The following TAFA2 variants were observed in gnomAD, a reference collection of about 807,000 sequenced individuals.
The protein encoded by TAFA2 is TAFA chemokine like family member 2, also known as chemokine-like protein TAFA-2.
TAFA2 carries 7 observed loss-of-function variants against 18.8 expected under a neutral mutation model. That is an observed-to-expected ratio of 0.37 (90% CI 0.21 to 0.70). The LOEUF (loss-of-function observed/expected upper bound fraction) is 0.70. Among genes scored for constraint, TAFA2 ranks in the 30% least tolerant of loss-of-function variants. TAFA2 has a pLI of 0.53. For missense variants in TAFA2, 122 were observed against 158.1 expected (o/e 0.77, Z 1.23); for synonymous variants, 60 against 54.2 (o/e 1.11, Z -0.47).
chr12:61,791,387 CAA>C (rs916336855), intron 2 of TAFA2, among the ~76,000 whole-genome samples: 1 of 151,414 alleles, frequency 6.6e-6, no homozygotes, highest in African/African-American at 2.4e-5. Context: ...CTTCAGCATA[CAA>C]AAAAGCTTCA....
chr12:62,168,819 A>G (rs1328015215), intron 1 of TAFA2, among the ~76,000 whole-genome samples: 1 of 152,086 alleles, frequency 6.6e-6, no homozygotes, highest in African/African-American at 2.4e-5. Flanking sequence ...CCTAGACAAC[A>G]GAGCAAGATG....
chr12:62,055,514 T>C (rs906739038), intron 1 of TAFA2, among the ~76,000 whole-genome samples: 175 of 152,296 alleles, frequency 1.1e-3, no homozygotes, highest in South Asian at 4.1e-4. Context: ...TTATGTGTTA[T>C]GCAGGTCACA....
At chr12:61,906,756 C>T (rs1876373584) in intron 1 of TAFA2, among the ~76,000 whole-genome samples, 1 of 152,138 alleles carries the variant, frequency 6.6e-6, no homozygotes, top group Non-Finnish European at 1.5e-5. Flanking sequence ...GCAATATGGA[C>T]AATGCAGTCC....
At chr12:62,184,499 A>AATTTTTTTTT (rs1555196652) in intron 1 of TAFA2, among the ~76,000 whole-genome samples, 1 of 33,994 alleles carries the variant, frequency 2.9e-5, no homozygotes, top group Non-Finnish European at 5.9e-5. Flanking sequence ...GAAAAAAAAA[A>AATTTTTTTTT]TTCTTTTTTT....
chr12:61,928,480 C>T (rs927330049), intron 1 of TAFA2, among the ~76,000 whole-genome samples: 5 of 152,264 alleles, frequency 3.3e-5, no homozygotes, highest in African/African-American at 1.2e-4. Context: ...CATCTCATGC[C>T]AGTTAGAATG....
In TAFA2 at chr12:61,989,825, G is replaced by C. The variant is rs1156916021; in HGVS notation, c.-1-122399C>G. ...GAAACGATACCAATTACCCATGCTG[G>C]AGCCTGCCCAAGTCAGAACAACTAA... is the stretch of plus-strand genomic sequence containing the variant. On this transcript the variant is annotated intron_variant, in intron 1 of 4. Transcript: ENST00000416284. 2.6e-5 allele frequency among the ~76,000 whole-genome samples: 4 copies of C among 152,280 alleles called. No homozygotes were observed. In the South Asian group the frequency reaches 8.3e-4, roughly 32 times the overall value.
At chr12:62,038,262 G>A (rs905338647) in intron 1 of TAFA2, among the ~76,000 whole-genome samples, 1 of 152,080 alleles carries the variant, frequency 6.6e-6, no homozygotes. Flanking sequence ...CACAAAAAAG[G>A]TAACTGTGGA....
chr12:61,980,992 A>G (rs1275726561), intron 1 of TAFA2, among the ~76,000 whole-genome samples: 4 of 152,340 alleles, frequency 2.6e-5, no homozygotes, highest in African/African-American at 9.6e-5. Context: ...AAGAGCCTGC[A>G]TTGCCAAGAC....
At chr12:61,764,382 T>C (rs1266002086) in intron 2 of TAFA2, among the ~76,000 whole-genome samples, 1 of 152,084 alleles carries the variant, frequency 6.6e-6, no homozygotes, top group Non-Finnish European at 1.5e-5. Context: ...CTTTTATGAT[T>C]AAGATTATTC....
intron 1 of TAFA2, among the ~76,000 whole-genome samples, chr12:62,127,374 A>AT (rs1366707475): frequency 7.2e-5 from 11 of 151,844 alleles, no homozygotes; most frequent in African/African-American, 2.7e-4. Context: ...ATAAACCTTT[A>AT]TTTTTTGTAG....
At chr12:61,958,455 CT>C (rs35950268) in intron 1 of TAFA2, among the ~76,000 whole-genome samples, 4 of 151,848 alleles carry the variant, frequency 2.6e-5, no homozygotes, top group Non-Finnish European at 5.9e-5. Context: ...AGATAAGTAC[CT>C]TTTTCCCTGT....
chr12:61,826,543 T>C (rs1038488263), intron 2 of TAFA2, among the ~76,000 whole-genome samples: 3 of 152,026 alleles, frequency 2.0e-5, no homozygotes, highest in Admixed American at 2.0e-4. Flanking sequence ...TTCAAAAATA[T>C]AAAGTGTTAA....
chr12:62,161,817 A>G (rs2062409073), intron 1 of TAFA2, among the ~76,000 whole-genome samples: 1 of 152,204 alleles, frequency 6.6e-6, no homozygotes, highest in Non-Finnish European at 1.5e-5. Context: ...ATGTCTATAT[A>G]CCACACATGT....
chr12:61,980,660 T>C (rs756699979), intron 1 of TAFA2, among the ~76,000 whole-genome samples: 3 of 151,944 alleles, frequency 2.0e-5, no homozygotes, highest in Admixed American at 2.0e-4. Context: ...CTATACACCA[T>C]TAACAGACAA....
intron 1 of TAFA2, among the ~76,000 whole-genome samples, chr12:61,872,824 T>A (rs1189474436): frequency 6.6e-6 from 1 of 151,968 alleles, no homozygotes; most frequent in Non-Finnish European, 1.5e-5. Context: ...ATTATGACCA[T>A]CCTGCCCTCC....
chr12:61,917,020 T>C (rs1437100096), intron 1 of TAFA2, among the ~76,000 whole-genome samples: 1 of 152,166 alleles, frequency 6.6e-6, no homozygotes, highest in East Asian at 1.9e-4. Flanking sequence ...TAAGAACTCA[T>C]ACACGGTAAG....
At chr12:62,233,066 C>CTTTTTT (rs34781688) in intron 1 of TAFA2, among the ~76,000 whole-genome samples, 420 of 39,578 alleles carry the variant, frequency 0.011, 115 homozygotes, top group African/African-American at 0.024. Context: ...TTCTGCATCT[C>CTTTTTT]TTTTTTTTTT....
intron 1 of TAFA2, among the ~76,000 whole-genome samples, chr12:62,029,015 T>C (rs965798984): frequency 6.6e-6 from 1 of 152,178 alleles, no homozygotes. Flanking sequence ...CTAATAGATA[T>C]GCATTAGAAA....
intron 2 of TAFA2, among the ~76,000 whole-genome samples, chr12:61,861,020 G>C (rs1342003446): frequency 6.6e-6 from 1 of 151,590 alleles, no homozygotes; most frequent in Non-Finnish European, 1.5e-5. Context: ...GTACAATCTT[G>C]TCTCACTGCA....
Sources: allele counts gnomAD v4.1 joint callset (sites outside exome capture counted in the v4.1 genomes callset), GRCh38; gene constraint gnomAD v4.1.1; transcripts MANE v1.5; gene names NCBI Gene and HGNC (gene_info 2026-07-23, HGNC 2026-07-21).